The following TBC1D1 variants were observed in gnomAD, a reference collection of about 807,000 sequenced individuals.
TBC1D1 encodes TBC1 (tre-2/USP6, BUB2, cdc16) domain family, member 1.
In TBC1D1, 89 loss-of-function variants were observed where a neutral mutation model predicts 125.6. The ratio of observed to expected loss-of-function variants is 0.71; its 90% CI spans 0.60 to 0.85. The LOEUF (loss-of-function observed/expected upper bound fraction) is 0.85. TBC1D1 is among the 40% of genes least tolerant of loss of function. TBC1D1 has a pLI of 0.00. For missense variants in TBC1D1, 1,377 were observed against 1,469.2 expected (o/e 0.94, Z 1.03); for synonymous variants, 565 against 564.1 (o/e 1.00, Z -0.02).
At chr4:37,909,534 T>C (rs1718093624) in intron 2 of TBC1D1, among the ~76,000 whole-genome samples, 1 of 152,186 alleles carries the variant, frequency 6.6e-6, no homozygotes, top group African/African-American at 2.4e-5. Context: ...GGCTCATTAC[T>C]TTCTTTCTTC....
At chr4:37,963,674 T>C (rs572375768) in intron 2 of TBC1D1, among the ~76,000 whole-genome samples, 10 of 152,328 alleles carry the variant, frequency 6.6e-5, no homozygotes, top group African/African-American at 2.2e-4. Context: ...TACCCATTTA[T>C]GTACTTACGT....
intron 2 of TBC1D1, chr4:38,006,840 G>A (rs867271221): frequency 1.6e-5 from 8 of 512,870 alleles, no homozygotes; most frequent in South Asian, 8.5e-5. Flanking sequence ...CCCTTTCCAC[G>A]AAGCTTCTTT....
chr4:37,891,317 C>G lies in TBC1D1; in HGVS notation c.-125C>G, dbSNP rs1183384371. ...CCCCAAGCACCTGCGCGTCCCGGCC[C>G]GGCCCCGGGCTCTGAGCGCGCCGCG... On this transcript the variant is annotated 5_prime_UTR_variant, in exon 1 of 20. Transcript: ENST00000261439. 6.6e-6 allele frequency: 1 copy of G among 152,354 alleles called. No homozygotes were observed. The highest frequency in any genetic ancestry group is 1.5e-5 in the Non-Finnish European group (1 of 68,200). The allele number at this position is 152,354 out of a possible 1,614,324, so 9.4% of individuals were successfully genotyped here. A position where few individuals can be genotyped will look rare whatever the true frequency, so the allele number is the denominator to read the frequency against.
chr4:38,138,657 C>T lies in TBC1D1; in HGVS notation c.*1322C>T, dbSNP rs1560290394. 1 of 152,682 alleles carries T rather than the reference C, an allele frequency of 6.5e-6. No homozygotes were observed. The highest frequency in any genetic ancestry group is 1.5e-5 in the Non-Finnish European group (1 of 68,060). The allele number at this position is 152,682 out of a possible 1,614,324, so 9.5% of individuals were successfully genotyped here. ...CTGATGTGCACTTAAGAGTGGGTTG[C>T]TTTCTCACAAAGATGGGGTTCTGTG... On this transcript the variant is annotated 3_prime_UTR_variant, in exon 20 of 20. Coordinates refer to ENST00000261439, the MANE Select transcript of TBC1D1 (RefSeq NM_015173.4).
intron 13 of TBC1D1, among the ~76,000 whole-genome samples, chr4:38,094,197 G>A (rs1429968700): frequency 6.6e-6 from 1 of 152,190 alleles, no homozygotes; most frequent in Non-Finnish European, 1.5e-5. Context: ...TGGCAAGGCA[G>A]TTTTGTCTGG....
At chr4:37,921,956 T>C (rs1721092518) in intron 2 of TBC1D1, among the ~76,000 whole-genome samples, 1 of 152,036 alleles carries the variant, frequency 6.6e-6, no homozygotes, top group African/African-American at 2.4e-5. Context: ...AGGCTGCTTA[T>C]GAACTCCTGG....
At chr4:37,952,386 C>A (rs929351910) in intron 2 of TBC1D1, 1 of 361,562 alleles carries the variant, frequency 2.8e-6, no homozygotes, top group Non-Finnish European at 5.3e-6. Flanking sequence ...TCCAAGTGTC[C>A]ATCAATGGTA....
chr4:38,061,582 A>C (rs970511275), intron 12 of TBC1D1, among the ~76,000 whole-genome samples: 11 of 152,246 alleles, frequency 7.2e-5, no homozygotes, highest in Admixed American at 6.5e-4. Context: ...AAAAAGCCTA[A>C]TATAGATAAG....
At chr4:37,957,613 A>G (rs1369917110) in intron 2 of TBC1D1, among the ~76,000 whole-genome samples, 1 of 152,248 alleles carries the variant, frequency 6.6e-6, no homozygotes, top group Non-Finnish European at 1.5e-5. Context: ...CTCTTAAAAT[A>G]ATAAAAATAA....
chr4:38,110,490 G>A, intron 15 of TBC1D1: 1 of 985,422 alleles, frequency 1.0e-6, no homozygotes, highest in Non-Finnish European at 1.2e-6. Context: ...AAATTTTGTG[G>A]AGCACTTCAT....
chr4:38,111,314 T>C (rs114054331), intron 15 of TBC1D1, among the ~76,000 whole-genome samples: 3,924 of 152,336 alleles, frequency 0.026, 171 homozygotes, highest in African/African-American at 0.09. Flanking sequence ...ATTCCCAAAC[T>C]TTGATGGAAG....
chr4:38,032,808 T>C (rs1746420683), intron 7 of TBC1D1, among the ~76,000 whole-genome samples: 1 of 143,032 alleles, frequency 7.0e-6, no homozygotes, highest in African/African-American at 2.6e-5. Context: ...GCACTCCAGC[T>C]CCAGCCTGGG....
chr4:38,020,899 A>G (rs1370920875), intron 5 of TBC1D1: 3 of 417,000 alleles, frequency 7.2e-6, no homozygotes, highest in Non-Finnish European at 1.3e-5. Context: ...TTATTTCTGA[A>G]GAACTTGTTT....
intron 19 of TBC1D1, 133 bp from the exon 22 acceptor site, chr4:38,136,999 CTGA>C: frequency 7.0e-7 from 1 of 1,431,086 alleles, no homozygotes; most frequent in Non-Finnish European, 9.6e-7. Flanking sequence ...GTGGCCAGAA[CTGA>C]TGATAAACTG....
At chr4:38,044,583 A>C in intron 9 of TBC1D1, 93 bp downstream of exon 9, 1 of 1,330,778 alleles carries the variant, frequency 7.5e-7, no homozygotes, top group Non-Finnish European at 1.0e-6. Flanking sequence ...AATGTTCATC[A>C]TAAAGGTAAA....
chr4:37,964,453 G>A (rs538783770), intron 2 of TBC1D1, among the ~76,000 whole-genome samples: 11 of 152,322 alleles, frequency 7.2e-5, no homozygotes, highest in East Asian at 1.9e-4. Context: ...AGGCTGTGGC[G>A]AGGACCAAGC....
chr4:38,005,000 C>CA (rs1553916461), intron 2 of TBC1D1, among the ~76,000 whole-genome samples: 1 of 152,076 alleles, frequency 6.6e-6, no homozygotes, highest in Non-Finnish European at 1.5e-5. Flanking sequence ...GGCTCCCTGG[C>CA]AGGGAGGGGG....
At chr4:37,956,986 A>G (rs1560529382) in intron 2 of TBC1D1, among the ~76,000 whole-genome samples, 1 of 151,724 alleles carries the variant, frequency 6.6e-6, no homozygotes, top group African/African-American at 2.4e-5. Flanking sequence ...AATTTCCCCC[A>G]AAGAAGCCAC....
intron 1 of TBC1D1, among the ~76,000 whole-genome samples, chr4:37,893,561 G>A (rs1343276184): frequency 3.3e-5 from 5 of 152,232 alleles, no homozygotes; most frequent in South Asian, 2.1e-4. Context: ...GCTCATGCCT[G>A]TAATCCCAGC....
Sources: allele counts gnomAD v4.1 joint callset (sites outside exome capture counted in the v4.1 genomes callset), GRCh38; gene constraint gnomAD v4.1.1; transcripts MANE v1.5; gene names NCBI Gene and HGNC (gene_info 2026-07-23, HGNC 2026-07-21).